The following ELFN2 variants were observed in gnomAD, a reference collection of about 807,000 sequenced individuals.
ELFN2 encodes the protein extracellular leucine rich repeat and fibronectin type III domain containing 2.
A neutral mutation model predicts 45.5 loss-of-function variants in ELFN2; 17 were observed. The ratio of observed to expected loss-of-function variants is 0.37; its 90% CI spans 0.26 to 0.56. The LOEUF (loss-of-function observed/expected upper bound fraction) is 0.56, where lower values mean the gene tolerates loss of function less well. Ranked by LOEUF, ELFN2 falls within the 20% of genes least tolerant of loss-of-function variation. The pLI is 0.77. For synonymous variants in ELFN2, 550 were observed against 551.5 expected (o/e 1.00, Z 0.04); for missense variants, 922 against 1,183.2 (o/e 0.78, Z 3.24).
intron 2 of ELFN2, among the ~76,000 whole-genome samples, chr22:37,381,853 G>A (rs553913492): frequency 6.1e-5 from 9 of 147,596 alleles, no homozygotes; most frequent in Admixed American, 2.8e-4. Context: ...CTACTCCGGA[G>A]GCTGAGGCAG....
At chr22:37,346,092 G>A (rs952462303) in intron 1 of ELFN2, among the ~76,000 whole-genome samples, 3 of 152,212 alleles carry the variant, frequency 2.0e-5, no homozygotes, top group Non-Finnish European at 4.4e-5. Context: ...TGATAACACC[G>A]GCTTGAGGTT....
At chr22:37,395,740 C>T (rs1013246273) in intron 2 of ELFN2, among the ~76,000 whole-genome samples, 1 of 152,216 alleles carries the variant, frequency 6.6e-6, no homozygotes, top group Admixed American at 6.5e-5. Context: ...GCCCACCACA[C>T]ACCAGGTCCT....
At chr22:37,405,761 C>T (rs939119953) in intron 2 of ELFN2, among the ~76,000 whole-genome samples, 8 of 151,240 alleles carry the variant, frequency 5.3e-5, no homozygotes, top group Non-Finnish European at 1.0e-4. Context: ...CTGGCCTCTC[C>T]GAACTGTGTG....
At chr22:37,353,852 A>G (rs1930882518) in intron 1 of ELFN2, 1 of 150,926 alleles carries the variant, frequency 6.6e-6, no homozygotes, top group Non-Finnish European at 1.5e-5. Context: ...GGGAACTCGA[A>G]TGGTATCTAG....
In ELFN2 at chr22:37,375,100, G is replaced by A. The variant is rs149620521; in HGVS notation, c.435C>T (p.Thr145=). The A allele has an allele frequency of 7.7e-5, 124 of 1,613,692 alleles. No individual in the cohort carries two copies. The highest frequency in any genetic ancestry group is 9.9e-5 in the South Asian group (9 of 91,086). ...QHNLIEVVTP[T]AFSECPSLIS... Reference sequence around the variant, plus strand: ...TGAGGCTCGGGCACTCGGAGAAGGCGGTGGGCGTCACCACCTCGATGAGGT... The same window carrying A: ...TGAGGCTCGGGCACTCGGAGAAGGCAGTGGGCGTCACCACCTCGATGAGGT... The change falls in exon 3 of 3, where the codon ACC becomes ACT. Residue 145 remains threonine (T), a synonymous_variant. Transcript: ENST00000402918.
intron 2 of ELFN2, among the ~76,000 whole-genome samples, chr22:37,403,501 TC>T (rs1398066278): frequency 6.6e-6 from 1 of 152,120 alleles, no homozygotes; most frequent in Non-Finnish European, 1.5e-5. Flanking sequence ...TAATTCCAAC[TC>T]CATCTGTGCC....
intron 2 of ELFN2, among the ~76,000 whole-genome samples, chr22:37,409,397 C>T (rs1932590791): frequency 2.0e-5 from 3 of 152,188 alleles, no homozygotes; most frequent in African/African-American, 7.2e-5. Flanking sequence ...CACCACCTTC[C>T]AAGTCCCTGG....
intron 1 of ELFN2, among the ~76,000 whole-genome samples, chr22:37,360,986 C>T (rs1403901084): frequency 6.6e-6 from 1 of 152,102 alleles, no homozygotes. Context: ...CTGAGCCACT[C>T]GAGGCTCCAC....
At chr22:37,351,069 G>C (rs1930809905) in intron 1 of ELFN2, among the ~76,000 whole-genome samples, 1 of 150,280 alleles carries the variant, frequency 6.7e-6, no homozygotes, top group East Asian at 1.9e-4. Context: ...TTCCCTTCCA[G>C]CTGCAATCAG....
rs1931470850 is a variant in ELFN2, at chr22:37,373,936, C to T, written c.1599G>A (p.Glu533=). Residue 533 remains glutamate (E), a synonymous_variant, in exon 3 of 3, where the codon GAG becomes GAA. Transcript: ENST00000402918. ...CCACCTCCTTGGCAATGGTGGAGAT[C>T]TCTGCAGCCGAGCCCTGGCCGTTCT... ...DLENGQGSAA[E]ISTIAKEVDK... 2 of 1,613,252 alleles carry T rather than the reference C, an allele frequency of 1.2e-6. No homozygotes were observed. Among genetic ancestry groups the T allele is most frequent in the African/African-American group, 1.3e-5 (1 of 75,064 alleles).
intron 1 of ELFN2, among the ~76,000 whole-genome samples, chr22:37,360,340 C>A (rs758192372): frequency 3.3e-5 from 5 of 152,232 alleles, no homozygotes; most frequent in Non-Finnish European, 7.3e-5. Context: ...TTTGTTGGGC[C>A]TCAGTTCCCT....
chr22:37,398,463 A>C (rs1932276742), intron 2 of ELFN2, among the ~76,000 whole-genome samples: 4 of 148,442 alleles, frequency 2.7e-5, no homozygotes, highest in African/African-American at 5.0e-5. Context: ...CCACCACCCC[A>C]CTCCTGTCCG....
intron 2 of ELFN2, among the ~76,000 whole-genome samples, chr22:37,382,554 T>TC (rs1398444744): frequency 1.6e-5 from 1 of 60,640 alleles, no homozygotes; most frequent in Non-Finnish European, 3.1e-5. Flanking sequence ...TTTTTTTTTT[T>TC]TTTTTTTTAA....
Position 37,427,457 on chromosome 22 carries a change from G to A in ELFN2, c.-773C>T, listed in dbSNP as rs1932862794. 1.3e-5 allele frequency: 2 copies of A among 152,460 alleles called. No homozygotes were observed. The highest frequency in any genetic ancestry group is 2.0e-4 in the South Asian group (1 of 4,936). The allele number at this position is 152,460 out of a possible 1,614,324, so 9.4% of individuals were successfully genotyped here. A position where few individuals can be genotyped will look rare whatever the true frequency, so the allele number is the denominator to read the frequency against. The stretch of plus-strand genomic sequence containing the variant: ...CCGCGTGTGTCTGTGTGTGTGTCTG[G>A]GAGCGCGCGTGTGCGCGCAGACGCC... On this transcript the variant is annotated 5_prime_UTR_variant, in exon 1 of 3. Coordinates refer to ENST00000402918, the MANE Select transcript of ELFN2 (RefSeq NM_052906.5).
chr22:37,421,693 C>A (rs946817083), intron 1 of ELFN2, among the ~76,000 whole-genome samples: 1 of 152,214 alleles, frequency 6.6e-6, no homozygotes. Flanking sequence ...CACGCGCCAT[C>A]TGAATGCAAA....
At chr22:37,397,074 G>A (rs139797280) in intron 2 of ELFN2, among the ~76,000 whole-genome samples, 6 of 152,242 alleles carry the variant, frequency 3.9e-5, no homozygotes, top group African/African-American at 2.4e-5. Context: ...CCACCAACAC[G>A]GTGAACTCCT....
chr22:37,367,112 C>G (rs148602484), downstream of ELFN2, among the ~76,000 whole-genome samples: 1 of 152,224 alleles, frequency 6.6e-6, no homozygotes, highest in African/African-American at 2.4e-5. Context: ...TGAATACAGG[C>G]TTTCGTGGAG....
intron 1 of ELFN2, among the ~76,000 whole-genome samples, chr22:37,345,160 TC>T (rs1260344648): frequency 6.6e-6 from 1 of 152,218 alleles, no homozygotes; most frequent in Admixed American, 6.5e-5. Context: ...GCACCTTTCA[TC>T]CTGACACACT....
At chr22:37,356,572 A>T (rs937380343) in intron 1 of ELFN2, among the ~76,000 whole-genome samples, 2 of 152,128 alleles carry the variant, frequency 1.3e-5, no homozygotes, top group African/African-American at 4.8e-5. Context: ...GCCAGGCGTG[A>T]ACGTCTTTCC....
Sources: gnomAD v4.1 joint callset for allele counts (sites outside exome capture counted in the v4.1 genomes callset) on GRCh38, gnomAD v4.1.1 for gene constraint, MANE v1.5 for transcripts, NCBI Gene and HGNC (gene_info 2026-07-23, HGNC 2026-07-21) for gene names.